The following GLIS1 variants were observed in gnomAD, a reference collection of about 807,000 sequenced individuals.
The protein encoded by GLIS1 is zinc finger protein GLIS1.
Under a neutral mutation model 63.8 loss-of-function variants are expected in GLIS1, and 24 were observed. That is an observed-to-expected ratio of 0.38 (90% confidence interval 0.27 to 0.53). GLIS1 has a LOEUF of 0.53. Ranked by LOEUF, GLIS1 falls within the 20% of genes least tolerant of loss-of-function variation. GLIS1 has a pLI of 0.85. For missense variants in GLIS1, 1,036 were observed against 1,074.1 expected (o/e 0.96, Z 0.50); for synonymous variants, 450 against 482.5 (o/e 0.93, Z 0.88).
chr1:53,546,511 C>T (rs1177615045), intron 4 of GLIS1, among the ~76,000 whole-genome samples: 1 of 152,218 alleles, frequency 6.6e-6, no homozygotes, highest in Non-Finnish European at 1.5e-5. Flanking sequence ...CTCAGCCTCT[C>T]TGGTCCTGGA....
chr1:53,688,567 G>A lies in GLIS1; in HGVS notation c.259+49239C>T, dbSNP rs546954981. The stretch of plus-strand genomic sequence containing the variant: ...GACTGGGAACTAGGATGTCCTTCCC[G>A]AGCTCCACAGCACATTCCTCCTCCC... On this transcript the variant is annotated intron_variant, in intron 2 of 10. Coordinates refer to ENST00000628545, the MANE Select transcript of GLIS1 (RefSeq NM_001367484.1). 2.9e-4 allele frequency among the ~76,000 whole-genome samples: 44 copies of A among 152,238 alleles called. No homozygotes were observed. The South Asian group carries it at 4.6e-3, about 16-fold the overall frequency.
chr1:53,550,972 T>C (rs1644753144), intron 4 of GLIS1, among the ~76,000 whole-genome samples: 1 of 152,174 alleles, frequency 6.6e-6, no homozygotes, highest in African/African-American at 2.4e-5. Flanking sequence ...TGCCTCAGCC[T>C]TCCAAGTAGC....
At chr1:53,634,816 G>A (rs1645705960) in intron 2 of GLIS1, among the ~76,000 whole-genome samples, 2 of 152,108 alleles carry the variant, frequency 1.3e-5, no homozygotes, top group South Asian at 4.1e-4. Flanking sequence ...TGACCCAGGG[G>A]TATGGAAGCC....
intron 7 of GLIS1, among the ~76,000 whole-genome samples, chr1:53,519,084 A>AC: frequency 6.6e-6 from 1 of 152,358 alleles, no homozygotes; most frequent in East Asian, 1.9e-4. Flanking sequence ...ACAGAGCTCC[A>AC]AGTAGTCACT....
rs1042170522 is a variant in GLIS1, at chr1:53,618,028, G to A, written c.260-17750C>T. ...CCTTTGAAAGCTCCCCAGGGAAGGTGAGCAGGCAGTCCAGGCCCTGTGCTG... is the reference window on the plus strand; with the variant it reads ...CCTTTGAAAGCTCCCCAGGGAAGGTAAGCAGGCAGTCCAGGCCCTGTGCTG... On this transcript the variant is annotated intron_variant, in intron 2 of 10. Coordinates refer to ENST00000628545, the MANE Select transcript of GLIS1 (RefSeq NM_001367484.1). Among the ~76,000 whole-genome samples, 11 of 152,248 alleles carry A rather than the reference G, an allele frequency of 7.2e-5. No individual in the cohort carries two copies. In the South Asian group the frequency reaches 8.3e-4, roughly 11 times the overall value.
intron 2 of GLIS1, among the ~76,000 whole-genome samples, chr1:53,650,571 C>CTG (rs1645895601): frequency 8.1e-6 from 1 of 123,506 alleles, no homozygotes; most frequent in South Asian, 2.8e-4. Context: ...ACCTGGGCAA[C>CTG]AGAGTGAGAC....
In GLIS1 at chr1:53,639,028, T is replaced by C. The variant is rs532517359; in HGVS notation, c.260-38750A>G. On this transcript the variant is annotated intron_variant, in intron 2 of 10. Coordinates refer to ENST00000628545, the MANE Select transcript of GLIS1 (RefSeq NM_001367484.1). The surrounding 1 kb of genome is among the most constrained non-coding windows in gnomAD (Gnocchi z 4.6). ...AAGGTCTTCCAGTTTCTCAGAGTGG[T>C]TGACAGCACCGGCCCCTGAATCAAA... Among the ~76,000 whole-genome samples the C allele has an allele frequency of 2.6e-5, 4 of 152,226 alleles. No homozygotes were observed. The highest frequency in any genetic ancestry group is 9.6e-5 in the African/African-American group (4 of 41,530).
intron 2 of GLIS1, among the ~76,000 whole-genome samples, chr1:53,718,038 G>A (rs185365671): frequency 6.6e-6 from 1 of 152,334 alleles, no homozygotes; most frequent in Admixed American, 6.5e-5. Flanking sequence ...CCCCACTATA[G>A]CAGCAATGCA....
chr1:53,524,786 C>T lies in GLIS1; in HGVS notation c.1584G>A (p.Val528=), dbSNP rs769792962. ...VKAHSAKEQQ[V]RKKLHAGPDT... ...AGGAGGGCTGGCTTACCTTCTTACG[C>T]ACCTGCTGCTCTTTGGCTGAATGGG... The change falls in exon 6 of 11, where the codon GTG becomes GTA. Residue 528 remains valine, a synonymous_variant. Transcript: ENST00000628545. 1.2e-6 allele frequency: 2 copies of T among 1,613,038 alleles called. No individual in the cohort carries two copies. The highest frequency in any genetic ancestry group is 4.5e-5 in the East Asian group (2 of 44,884).
intron 2 of GLIS1, among the ~76,000 whole-genome samples, chr1:53,637,803 A>G (rs937294673): frequency 6.6e-6 from 1 of 152,112 alleles, no homozygotes; most frequent in African/African-American, 2.4e-5. Flanking sequence ...GCAGCTACCA[A>G]TTGCAGAGCT....
intron 2 of GLIS1, among the ~76,000 whole-genome samples, chr1:53,621,964 T>A (rs142934166): frequency 0.012 from 1,751 of 152,148 alleles, 29 homozygotes; most frequent in African/African-American, 0.04. Flanking sequence ...GCCCATGCCA[T>A]CTGTATTTTT....
At chr1:53,641,096 TAGAG>T (rs1645782510) in intron 2 of GLIS1, among the ~76,000 whole-genome samples, 1 of 152,070 alleles carries the variant, frequency 6.6e-6, no homozygotes, top group African/African-American at 2.4e-5. Flanking sequence ...AATACCTCCA[TAGAG>T]AGAGTCCCTG....
intron 4 of GLIS1, among the ~76,000 whole-genome samples, chr1:53,562,484 C>G (rs1302726473): frequency 6.6e-6 from 1 of 152,144 alleles, no homozygotes; most frequent in Non-Finnish European, 1.5e-5. Context: ...CACCCACCTG[C>G]TCCTAAAAGA....
intron 4 of GLIS1, among the ~76,000 whole-genome samples, chr1:53,566,320 G>A (rs1263502244): frequency 6.6e-6 from 1 of 152,006 alleles, no homozygotes; most frequent in African/African-American, 2.4e-5. Flanking sequence ...TGACATAAAA[G>A]TATATGTAGA....
At chr1:53,651,873 CAA>C (rs1218432150) in intron 2 of GLIS1, among the ~76,000 whole-genome samples, 97 of 91,316 alleles carry the variant, frequency 1.1e-3, no homozygotes, top group Middle Eastern at 7.5e-3. Flanking sequence ...GATCTTGTCT[CAA>C]AAAAAAAAAA....
At chr1:53,617,170 G>A (rs994085749) in intron 2 of GLIS1, among the ~76,000 whole-genome samples, 4 of 152,130 alleles carry the variant, frequency 2.6e-5, no homozygotes, top group African/African-American at 4.8e-5. Context: ...CACCCCAGGG[G>A]ACACACTGGA....
chr1:53,605,674 G>C (rs1393681694), intron 2 of GLIS1, among the ~76,000 whole-genome samples: 1 of 152,216 alleles, frequency 6.6e-6, no homozygotes, highest in Non-Finnish European at 1.5e-5. Context: ...CAGAGCTGCT[G>C]AATGTCAATG....
chr1:53,625,252 A>G (rs1369373077), intron 2 of GLIS1, among the ~76,000 whole-genome samples: 1 of 152,232 alleles, frequency 6.6e-6, no homozygotes, highest in Non-Finnish European at 1.5e-5. Flanking sequence ...AGTATTTGCC[A>G]GGAAGATGGG....
At chr1:53,640,793 T>C (rs1460236413) in intron 2 of GLIS1, among the ~76,000 whole-genome samples, 1 of 152,074 alleles carries the variant, frequency 6.6e-6, no homozygotes, top group African/African-American at 2.4e-5. Flanking sequence ...ACTCTGCCAC[T>C]CCCTCCCCTA....
Sources: gnomAD v4.1 joint callset for allele counts (sites outside exome capture counted in the v4.1 genomes callset) on GRCh38, gnomAD v4.1.1 for gene constraint, Gnocchi (gnomAD v3.1) non-coding constraint, MANE v1.5 for transcripts, NCBI Gene and HGNC (gene_info 2026-07-23, HGNC 2026-07-21) for gene names.